HSPG2: variants seen among roughly 807,000 people sequenced by gnomAD.
HSPG2 encodes basement membrane-specific heparan sulfate proteoglycan core protein.
In HSPG2, 278 loss-of-function variants were observed where a neutral mutation model predicts 526.6. The observed-to-expected ratio is 0.53, with a 90% CI of 0.48 to 0.58. HSPG2 has a LOEUF of 0.58. Ranked by LOEUF, HSPG2 falls within the 20% of genes least tolerant of loss-of-function variation. The pLI is 0.00. For synonymous variants in HSPG2, 2,465 were observed against 2,555.4 expected (o/e 0.96, Z 1.07); for missense variants, 5,354 against 6,099.5 (o/e 0.88, Z 4.07).
intron 1 of HSPG2, among the ~76,000 whole-genome samples, chr1:21,917,485 AAATAAAAGAC>A: frequency 6.7e-6 from 1 of 149,436 alleles, no homozygotes; most frequent in Non-Finnish European, 1.5e-5. Context: ...AAATAAATAA[AAATAAAAGAC>A]AGGGCAGAAT....
rs747868706 is a variant in HSPG2 at position 21,848,911 on chromosome 1, G to A, written c.7567C>T (p.Arg2523Cys). 8 of 1,613,580 alleles carry A rather than the reference G, an allele frequency of 5.0e-6. No individual in the cohort carries two copies. The Admixed American group carries it at 8.3e-5, about 17-fold the overall frequency. Residue 2523 changes from arginine (R) to cysteine (C), a missense_variant, in exon 58 of 97, where the codon CGC becomes TGC. Transcript: ENST00000374695. The surrounding 1 kb of genome is among the most constrained non-coding windows in gnomAD (Gnocchi z 4.9). ...CACTCACAGTGGGAGCCACTAAGGCGCTGCTGGATGGTGACAAGGACTGAG... is the reference window on the plus strand; with the variant it reads ...CACTCACAGTGGGAGCCACTAAGGCACTGCTGGATGGTGACAAGGACTGAG... ...EASVLVTIQQ[R>C]LSGSHSQGVA... is the part of the protein sequence containing the mutation.
intron 50 of HSPG2, chr1:21,853,799 T>TA (rs1026348339): frequency 1.1e-5 from 2 of 187,684 alleles, no homozygotes; most frequent in African/African-American, 6.6e-5. Context: ...AATAAAATAA[T>TA]AAAAAAACCA....
At chr1:21,832,662 C>T (rs918047489) in intron 80 of HSPG2, 56 bp from the exon 81 acceptor site, 1 of 1,380,636 alleles carries the variant, frequency 7.2e-7, no homozygotes, top group Non-Finnish European at 1.0e-6. Flanking sequence ...TCCCTGTCCT[C>T]CCCCACCCTA....
At chr1:21,861,016 C>G (rs756318614) in intron 39 of HSPG2, among the ~76,000 whole-genome samples, 1 of 152,226 alleles carries the variant, frequency 6.6e-6, no homozygotes, top group Non-Finnish European at 1.5e-5. Context: ...GATGGGACTT[C>G]TCGTATTACC....
intron 1 of HSPG2, among the ~76,000 whole-genome samples, chr1:21,931,609 G>C (rs557090753): frequency 6.6e-6 from 1 of 152,292 alleles, no homozygotes; most frequent in South Asian, 2.1e-4. Context: ...ATTGGGTGAA[G>C]GGGAGGGGGG....
At position 21,880,147 on chromosome 1, in the gene HSPG2, C is replaced by T. The variant is rs1161842684; in HGVS notation, c.2303G>A (p.Gly768Asp). The T allele has an allele frequency of 6.2e-7, 1 of 1,614,002 alleles. No homozygotes were observed. The highest frequency in any genetic ancestry group is 1.3e-5 in the African/African-American group (1 of 74,956). ...CACAGGGTCACAGGAGCTGGCATGG[C>T]CATTGCAATTGCAACCAGAGCAGGT... ...LGTCSGCNCN[G>D]HASSCDPVYG... Residue 768 changes from glycine (G) to aspartate (D), a missense_variant, in exon 17 of 97, where the codon GGC (glycine) becomes GAC (aspartate). Gly to Asp is a moderately conservative substitution (Grantham distance 94). Coordinates refer to ENST00000374695, the MANE Select transcript of HSPG2 (RefSeq NM_005529.7).
chr1:21,857,885 A>C (rs1347199276), intron 42 of HSPG2, among the ~76,000 whole-genome samples: 1 of 152,130 alleles, frequency 6.6e-6, no homozygotes, highest in Non-Finnish European at 1.5e-5. Context: ...TGGTCCCTGA[A>C]GGACAGGCCC....
chr1:21,848,161 C>A lies in HSPG2; in HGVS notation c.7738-68G>T. ...CAGCTCCTCCACATCTTGGGCACTG[C>A]TGCCGCTGCCCCTGGACTCTGGGGG... On this transcript the variant is annotated intron_variant, in intron 59 of 96. Coordinates refer to ENST00000374695, the MANE Select transcript of HSPG2 (RefSeq NM_005529.7). This position sits in a 1 kb window ranked among gnomAD's most constrained non-coding sequence, Gnocchi z 4.9. 6.6e-7 allele frequency: 1 copy of A among 1,521,932 alleles called. No individual in the cohort carries two copies. Among genetic ancestry groups the A allele is most frequent in the Non-Finnish European group, 8.8e-7 (1 of 1,130,340 alleles). The allele number at this position is 1,521,932 out of a possible 1,614,324, so 94.3% of individuals were successfully genotyped here. A position where few individuals can be genotyped will look rare whatever the true frequency, so the allele number is the denominator to read the frequency against.
intron 1 of HSPG2, among the ~76,000 whole-genome samples, chr1:21,930,593 G>A (rs985600911): frequency 2.0e-5 from 3 of 152,126 alleles, no homozygotes; most frequent in African/African-American, 7.2e-5. Flanking sequence ...GGCCAACATG[G>A]TGGAACTCCA....
Position 21,874,710 on chromosome 1 carries a change from G to A in HSPG2, c.3434C>T (p.Thr1145Ile), listed in dbSNP as rs778214808. ...CAGGTAGAGGCCACTGGGCGTGCGT[G>A]TGTAGCCTGTGTCACAGTCCTGGGG... Reference protein sequence around the residue: ...PSCQDCDTGYTRTPSGLYLGT... With the variant: ...PSCQDCDTGYIRTPSGLYLGT... Residue 1145 changes from threonine to isoleucine, a missense_variant, in exon 27 of 97, where the codon ACA becomes ATA. By Grantham distance (89) the Thr-to-Ile change is moderately conservative (BLOSUM62 -1). Coordinates refer to ENST00000374695, the MANE Select transcript of HSPG2 (RefSeq NM_005529.7). The A allele has an allele frequency of 2.5e-6, 4 of 1,605,168 alleles. No homozygotes were observed. The African/African-American group carries it at 5.4e-5, about 21-fold the overall frequency.
chr1:21,850,020 T>A, intron 57 of HSPG2, 21 bp downstream of exon 57: 1 of 1,612,202 alleles, frequency 6.2e-7, no homozygotes, highest in Non-Finnish European at 8.5e-7. Flanking sequence ...CCTTCAGGCT[T>A]CCTGAGCTCC....
chr1:21,831,860 G>T, intron 81 of HSPG2, 64 bp from the exon 82 acceptor site: 1 of 1,518,500 alleles, frequency 6.6e-7, no homozygotes, highest in Non-Finnish European at 8.9e-7. Context: ...AGGGCTAGGG[G>T]CCCAGTTGGG....
At chr1:21,852,058 GC>G in intron 53 of HSPG2, 29 bp downstream of exon 53, 1 of 1,612,096 alleles carries the variant, frequency 6.2e-7, no homozygotes, top group Non-Finnish European at 8.5e-7. Flanking sequence ...ACTGTCCATG[GC>G]CCCGTCCCAC....
intron 33 of HSPG2, among the ~76,000 whole-genome samples, chr1:21,867,126 T>TTTG: frequency 6.7e-6 from 1 of 150,306 alleles, no homozygotes; most frequent in Non-Finnish European, 1.5e-5. Context: ...GGCACTTTTT[T>TTTG]TTTTTTTTAA....
At chr1:21,905,280 C>T (rs553261355) in intron 1 of HSPG2, among the ~76,000 whole-genome samples, 12 of 147,582 alleles carry the variant, frequency 8.1e-5, no homozygotes, top group East Asian at 2.0e-4. Flanking sequence ...CACACACACA[C>T]GCCACGCTCC....
chr1:21,827,834 C>G, intron 91 of HSPG2, 29 bp downstream of exon 91: 3 of 1,565,416 alleles, frequency 1.9e-6, no homozygotes, highest in Non-Finnish European at 2.6e-6. Flanking sequence ...TGAGCTGAAG[C>G]TGGGGAGGAG....
At chr1:21,829,241 T>G in intron 87 of HSPG2, 142 bp downstream of exon 87, 2 of 1,351,386 alleles carry the variant, frequency 1.5e-6, no homozygotes, top group South Asian at 1.2e-5. Flanking sequence ...TGGCCTCAAG[T>G]GACACAGAGA....
At position 21,833,503 on chromosome 1, in the gene HSPG2, C is replaced by T. The variant is rs568448611; in HGVS notation, c.10942G>A (p.Gly3648Ser). 6.2e-7 allele frequency: 1 copy of T among 1,614,134 alleles called. No homozygotes were observed. Among genetic ancestry groups the T allele is most frequent in the South Asian group, 1.1e-5 (1 of 91,080 alleles). The change falls in exon 79 of 97, where the codon GGC (glycine) becomes AGC (serine). Residue 3648 changes from glycine to serine, a missense_variant. Physicochemically the swap from Gly to Ser is moderately conservative, Grantham distance 56 (BLOSUM62 0). Transcript: ENST00000374695. Reference sequence around the variant, plus strand: ...AGGTGGGCAAAGGCTTTGACCTTGCCCTGGCGGTTAGTGGCGGTGCAGACG... The same window carrying T: ...AGGTGGGCAAAGGCTTTGACCTTGCTCTGGCGGTTAGTGGCGGTGCAGACG... ...TYVCTATNRQ[G>S]KVKAFAHLQV...
At position 21,865,874 on chromosome 1, in the gene HSPG2, T is replaced by G; in HGVS notation, c.4222-65A>C. On this transcript the variant is annotated intron_variant, in intron 33 of 96. Coordinates refer to ENST00000374695, the MANE Select transcript of HSPG2 (RefSeq NM_005529.7). The surrounding 1 kb of genome is among the most constrained non-coding windows in gnomAD (Gnocchi z 5.4). ...GGGTGTGAGTGTTGGACCATATAGG[T>G]GAGGGATGGAGCATCTGGCGGCCTT... 1 of 1,270,836 alleles carries G rather than the reference T, an allele frequency of 7.9e-7. No individual in the cohort carries two copies. Among genetic ancestry groups the G allele is most frequent in the Admixed American group, 1.7e-5 (1 of 59,522 alleles). The allele number at this position is 1,270,836 out of a possible 1,614,324, so 78.7% of individuals were successfully genotyped here. A position where few individuals can be genotyped will look rare whatever the true frequency, so the allele number is the denominator to read the frequency against.
Sources: gnomAD v4.1 joint callset for allele counts (sites outside exome capture counted in the v4.1 genomes callset) on GRCh38, gnomAD v4.1.1 for gene constraint, Gnocchi (gnomAD v3.1) non-coding constraint, MANE v1.5 for transcripts, NCBI Gene and HGNC (gene_info 2026-07-23, HGNC 2026-07-21) for gene names.